The following ZNF385B variants were observed in gnomAD, a reference collection of about 807,000 sequenced individuals.
The protein encoded by ZNF385B is zinc finger protein 533.
A neutral mutation model predicts 39.2 loss-of-function variants in ZNF385B; 23 were observed. The ratio of observed to expected loss-of-function variants is 0.59; its 90% CI spans 0.42 to 0.83. The LOEUF is 0.83. ZNF385B is among the 40% of genes least tolerant of loss of function. The pLI, the probability that ZNF385B is intolerant of heterozygous loss-of-function variation, is 0.00. For synonymous variants in ZNF385B, 205 were observed against 222.6 expected, an observed-to-expected ratio of 0.92 and a Z score of 0.70; for missense variants, 552 against 598.9, an observed-to-expected ratio of 0.92 and a Z score of 0.82.
intron 3 of ZNF385B, among the ~76,000 whole-genome samples, chr2:179,679,991 T>C (rs1225651448): frequency 6.6e-6 from 1 of 152,228 alleles, no homozygotes; most frequent in Non-Finnish European, 1.5e-5. Context: ...CTCCACTTTC[T>C]TTCTCACTTT....
At chr2:179,733,747 C>T (rs1350909055) in intron 3 of ZNF385B, among the ~76,000 whole-genome samples, 2 of 150,478 alleles carry the variant, frequency 1.3e-5, no homozygotes, top group Non-Finnish European at 2.9e-5. Context: ...TGTGCCACTG[C>T]CCTCCAGCCT....
chr2:179,688,480 TC>T (rs1698094702), intron 3 of ZNF385B, among the ~76,000 whole-genome samples: 1 of 129,132 alleles, frequency 7.7e-6, no homozygotes, highest in Non-Finnish European at 1.6e-5. Context: ...CCCCACCCTG[TC>T]CCCCTGCAAA....
At chr2:179,619,308 C>T (rs1054795440) in intron 3 of ZNF385B, among the ~76,000 whole-genome samples, 2 of 152,210 alleles carry the variant, frequency 1.3e-5, no homozygotes, top group African/African-American at 2.4e-5. Context: ...GAGAAATATA[C>T]ATATACAGGC....
chr2:179,534,577 T>G, intron 4 of ZNF385B: 1 of 152,158 alleles, frequency 6.6e-6, no homozygotes, highest in South Asian at 2.1e-4. Flanking sequence ...AGGAAGGTAT[T>G]ACATCATGAA....
At chr2:179,798,825 G>A (rs1705846511) in intron 1 of ZNF385B, among the ~76,000 whole-genome samples, 1 of 151,942 alleles carries the variant, frequency 6.6e-6, no homozygotes, top group Non-Finnish European at 1.5e-5. Context: ...TTTAGGAATG[G>A]CTTTGTACAT....
chr2:179,766,231 G>A (rs1370111526), intron 3 of ZNF385B, among the ~76,000 whole-genome samples: 1 of 151,968 alleles, frequency 6.6e-6, no homozygotes, highest in Non-Finnish European at 1.5e-5. Flanking sequence ...TCACCCTGTG[G>A]ACCCAATTCC....
rs1320833121 is a variant in ZNF385B at position 179,452,085 on chromosome 2, G to C, written c.716-5315C>G. 3.3e-5 allele frequency among the ~76,000 whole-genome samples: 5 copies of C among 152,176 alleles called. No homozygotes were observed. The East Asian group carries it at 9.6e-4, about 29-fold the overall frequency. On this transcript the variant is annotated intron_variant, in intron 6 of 9. Transcript: ENST00000410066. ...AGAAGGCTTTATCCTACAGGATTTT[G>C]AAGGAAAATTTGCTTAGCTACATCA...
chr2:179,459,731 C>A (rs1028521197), intron 6 of ZNF385B, among the ~76,000 whole-genome samples: 1 of 150,656 alleles, frequency 6.6e-6, no homozygotes, highest in African/African-American at 2.4e-5. Context: ...AATGCATAAA[C>A]TTTTATTATA....
intron 3 of ZNF385B, among the ~76,000 whole-genome samples, chr2:179,695,656 T>G (rs1205003070): frequency 2.0e-5 from 3 of 152,202 alleles, no homozygotes; most frequent in Non-Finnish European, 4.4e-5. Context: ...GAGATATCAC[T>G]TTACACCCAG....
chr2:179,818,546 T>C (rs565512016), intron 1 of ZNF385B, among the ~76,000 whole-genome samples: 2 of 152,352 alleles, frequency 1.3e-5, no homozygotes, highest in South Asian at 4.1e-4. Flanking sequence ...CAATCATGAT[T>C]AATCTCTCGC....
At chr2:179,729,813 C>A (rs1701270339) in intron 3 of ZNF385B, among the ~76,000 whole-genome samples, 1 of 152,150 alleles carries the variant, frequency 6.6e-6, no homozygotes, top group Non-Finnish European at 1.5e-5. Context: ...AGTGAATTCT[C>A]ATGAGATCTG....
intron 1 of ZNF385B, among the ~76,000 whole-genome samples, chr2:179,825,141 G>A (rs1241770454): frequency 6.6e-6 from 1 of 152,116 alleles, no homozygotes; most frequent in Non-Finnish European, 1.5e-5. Context: ...GGACCAATCA[G>A]TGGTCATATG....
intron 3 of ZNF385B, among the ~76,000 whole-genome samples, chr2:179,673,190 A>G (rs905685230): frequency 7.2e-5 from 11 of 152,286 alleles, no homozygotes; most frequent in African/African-American, 2.2e-4. Flanking sequence ...AGTAACATAT[A>G]TGTTCCAGGG....
rs973076044 is a variant in ZNF385B at position 179,699,910 on chromosome 2, T to C, written c.298+69593A>G. ...GTTGCTCATAAATGTCAGATTGTTA[T>C]ACAATCATCGACACCACTCACCTTC... is the stretch of plus-strand genomic sequence containing the variant. On this transcript the variant is annotated intron_variant, in intron 3 of 9. Coordinates refer to ENST00000410066, the MANE Select transcript of ZNF385B (RefSeq NM_152520.6). 3.9e-5 allele frequency among the ~76,000 whole-genome samples: 6 copies of C among 152,222 alleles called. No homozygotes were observed. The East Asian group carries it at 9.6e-4, about 24-fold the overall frequency.
intron 3 of ZNF385B, among the ~76,000 whole-genome samples, chr2:179,750,817 G>C (rs185332054): frequency 6.6e-5 from 10 of 152,010 alleles, no homozygotes; most frequent in African/African-American, 1.7e-4. Context: ...TGGTAGAAAC[G>C]CAATGATTTG....
At chr2:179,683,536 C>T (rs999634228) in intron 3 of ZNF385B, among the ~76,000 whole-genome samples, 11 of 150,394 alleles carry the variant, frequency 7.3e-5, no homozygotes, top group African/African-American at 7.4e-5. Context: ...AGTGCAATGG[C>T]GCAGTCTCAG....
intron 6 of ZNF385B, among the ~76,000 whole-genome samples, chr2:179,449,710 C>T (rs1308244855): frequency 5.3e-5 from 8 of 152,152 alleles, no homozygotes; most frequent in Non-Finnish European, 8.8e-5. Context: ...CCATCCCCAT[C>T]GAGCTACCAA....
At chr2:179,446,454 A>T in intron 7 of ZNF385B, 71 bp downstream of exon 7, 1 of 1,538,294 alleles carries the variant, frequency 6.5e-7, no homozygotes, top group East Asian at 2.3e-5. Flanking sequence ...ACAACAAAAG[A>T]TATGGTATTC....
At chr2:179,571,299 A>T (rs1000915938) in intron 3 of ZNF385B, among the ~76,000 whole-genome samples, 1 of 152,246 alleles carries the variant, frequency 6.6e-6, no homozygotes, top group Non-Finnish European at 1.5e-5. Context: ...ATGGACAATA[A>T]GGAATAACAG....
Sources: allele counts gnomAD v4.1 joint callset (sites outside exome capture counted in the v4.1 genomes callset), GRCh38; gene constraint gnomAD v4.1.1; transcripts MANE v1.5; gene names NCBI Gene and HGNC (gene_info 2026-07-23, HGNC 2026-07-21).